Variants in EYS observed in about 807,000 individuals in gnomAD.
EYS encodes the protein protein eyes shut homolog.
In EYS, 250 loss-of-function variants were observed where a neutral mutation model predicts 282.1. That is an observed-to-expected ratio of 0.89 (90% CI 0.80 to 0.98). The LOEUF (loss-of-function observed/expected upper bound fraction) is 0.98. Among genes scored for constraint, EYS ranks in the 50% least tolerant of loss-of-function variants. EYS has a pLI of 0.00. For synonymous variants in EYS, 1,355 were observed against 1,282.9 expected, an observed-to-expected ratio of 1.06 and a Z score of -1.20; for missense variants, 4,016 against 3,709.0, an observed-to-expected ratio of 1.08 and a Z score of -2.15.
intron 35 of EYS, among the ~76,000 whole-genome samples, chr6:63,893,200 AT>A (rs1773451763): frequency 6.6e-6 from 1 of 152,182 alleles, no homozygotes; most frequent in South Asian, 2.1e-4. Context: ...TAGAAATGCC[AT>A]TTGACCCAGC....
chr6:65,405,460 C>G, intron 5 of EYS, 93 bp from the exon 6 acceptor site: 1 of 1,003,706 alleles, frequency 1.0e-6, no homozygotes, highest in East Asian at 2.4e-5. Flanking sequence ...TAGAAAATTT[C>G]TCTAGAGTTT....
chr6:65,428,269 G>T (rs1212993227), intron 5 of EYS, among the ~76,000 whole-genome samples: 3 of 151,890 alleles, frequency 2.0e-5, no homozygotes, highest in Non-Finnish European at 4.4e-5. Context: ...CAAAGATCTA[G>T]ATTTATATGA....
intron 36 of EYS, among the ~76,000 whole-genome samples, chr6:63,810,033 A>G (rs1307715258): frequency 6.6e-6 from 1 of 150,930 alleles, no homozygotes; most frequent in African/African-American, 2.4e-5. Context: ...TGAGGTCAGG[A>G]GATCCAGACC....
intron 13 of EYS, among the ~76,000 whole-genome samples, chr6:65,057,054 A>G (rs1349863443): frequency 6.6e-6 from 1 of 151,982 alleles, no homozygotes; most frequent in Non-Finnish European, 1.5e-5. Context: ...TTCTTAGCTT[A>G]GAAAGAGATA....
chr6:65,027,000 C>G (rs1200520728), intron 13 of EYS, among the ~76,000 whole-genome samples: 1 of 147,404 alleles, frequency 6.8e-6, no homozygotes, highest in Non-Finnish European at 1.5e-5. Context: ...TTTCCTCTTC[C>G]TCTTGCCTAT....
At chr6:64,431,935 C>T (rs1301215603) in intron 28 of EYS, among the ~76,000 whole-genome samples, 1 of 152,122 alleles carries the variant, frequency 6.6e-6, no homozygotes, top group Non-Finnish European at 1.5e-5. Context: ...TGGTACATGT[C>T]AGTCTTCTAA....
intron 2 of EYS, among the ~76,000 whole-genome samples, chr6:65,518,971 G>C (rs9354258): frequency 0.31 from 47,605 of 151,780 alleles, 7,561 homozygotes; most frequent in East Asian, 0.44. Context: ...TGAGATTTAG[G>C]TGGGGACACA....
intron 26 of EYS, among the ~76,000 whole-genome samples, chr6:64,502,223 T>C (rs1049669009): frequency 1.8e-5 from 1 of 56,574 alleles, no homozygotes; most frequent in Non-Finnish European, 3.4e-5. Context: ...GCAGGCTGGT[T>C]TTTTTTTTGT....
chr6:64,431,908 C>A (rs1774586555), intron 28 of EYS, among the ~76,000 whole-genome samples: 1 of 151,976 alleles, frequency 6.6e-6, no homozygotes, highest in Non-Finnish European at 1.5e-5. Context: ...AAATATCTGC[C>A]AGTGTGTGGA....
chr6:64,862,210 C>T (rs1766262185), intron 19 of EYS, among the ~76,000 whole-genome samples: 1 of 152,092 alleles, frequency 6.6e-6, no homozygotes, highest in Non-Finnish European at 1.5e-5. Context: ...TCTTTCATTT[C>T]CCCCTCTGGG....
intron 10 of EYS, among the ~76,000 whole-genome samples, chr6:65,343,562 A>C (rs1205969054): frequency 6.6e-6 from 1 of 151,274 alleles, no homozygotes; most frequent in Non-Finnish European, 1.5e-5. Context: ...CATAGGCCTC[A>C]CAATTTTTAG....
chr6:64,374,970 G>A (rs532874277), intron 29 of EYS, among the ~76,000 whole-genome samples: 1 of 152,292 alleles, frequency 6.6e-6, no homozygotes, highest in Admixed American at 6.5e-5. Context: ...GCAAAAAAGA[G>A]TTCTCTTCAC....
chr6:65,066,075 T>C (rs2150162702), intron 12 of EYS, among the ~76,000 whole-genome samples: 1 of 152,312 alleles, frequency 6.6e-6, no homozygotes, highest in South Asian at 2.1e-4. Context: ...TCATTGCTTG[T>C]TGATGGGCAT....
intron 41 of EYS, among the ~76,000 whole-genome samples, chr6:63,738,255 A>G (rs980078842): frequency 1.3e-5 from 2 of 152,144 alleles, no homozygotes; most frequent in African/African-American, 4.8e-5. Context: ...CCAAAGGACT[A>G]TAAATCATGC....
At chr6:64,360,323 T>A (rs1412928658) in intron 29 of EYS, among the ~76,000 whole-genome samples, 1 of 151,690 alleles carries the variant, frequency 6.6e-6, no homozygotes, top group African/African-American at 2.4e-5. Flanking sequence ...TCTGACCTCA[T>A]GTTGTGATAT....
At chr6:63,722,633 C>T (rs1768446376) in intron 42 of EYS, among the ~76,000 whole-genome samples, 1 of 152,182 alleles carries the variant, frequency 6.6e-6, no homozygotes, top group South Asian at 2.1e-4. Context: ...ATGAACCACG[C>T]AGAAGTCTCC....
chr6:64,536,279 A>G (rs1764516415), intron 26 of EYS, among the ~76,000 whole-genome samples: 1 of 152,286 alleles, frequency 6.6e-6, no homozygotes, highest in Admixed American at 6.5e-5. Flanking sequence ...TAAGGGAAAA[A>G]ACAAGTAAAA....
chr6:65,445,916 A>G, intron 5 of EYS, among the ~76,000 whole-genome samples: 1 of 151,892 alleles, frequency 6.6e-6, no homozygotes, highest in Non-Finnish European at 1.5e-5. Flanking sequence ...AAATTTCCCA[A>G]TTAGCTTATA....
intron 33 of EYS, among the ~76,000 whole-genome samples, chr6:64,033,827 ACTCTCTCTCTCT>A (rs71708335): frequency 1.3e-5 from 2 of 148,550 alleles, no homozygotes; most frequent in East Asian, 2.0e-4. Context: ...AAATGAGATT[ACTCTCTCTCTCT>A]CTCTCTCTAT....
Sources: allele counts gnomAD v4.1 joint callset (sites outside exome capture counted in the v4.1 genomes callset), GRCh38; gene constraint gnomAD v4.1.1; transcripts MANE v1.5; gene names NCBI Gene and HGNC (gene_info 2026-07-23, HGNC 2026-07-21).